Variants in GLCE observed in about 807,000 individuals in gnomAD.
The protein encoded by GLCE is glucuronic acid epimerase.
GLCE carries 19 observed loss-of-function variants against 47.9 expected under a neutral mutation model. The observed-to-expected ratio is 0.40, with a 90% CI of 0.28 to 0.58. GLCE has a LOEUF of 0.58. Among genes scored for constraint, GLCE ranks in the 20% least tolerant of loss-of-function variants. The pLI, the probability that GLCE is intolerant of heterozygous loss-of-function variation, is 0.48. For missense variants in GLCE, 556 were observed against 743.3 expected (o/e 0.75, Z 2.93); for synonymous variants, 245 against 263.4 (o/e 0.93, Z 0.68).
intron 2 of GLCE, among the ~76,000 whole-genome samples, chr15:69,221,038 G>A (rs1442515770): frequency 6.6e-6 from 1 of 152,150 alleles, no homozygotes; most frequent in African/African-American, 2.4e-5. Context: ...CCCTTTGGGT[G>A]GTCTTGCCAC....
chr15:69,263,911 A>G (rs2053048142), intron 4 of GLCE, among the ~76,000 whole-genome samples: 1 of 152,122 alleles, frequency 6.6e-6, no homozygotes, highest in African/African-American at 2.4e-5. Flanking sequence ...AATGTATACA[A>G]TGTGATGCTT....
chr15:69,222,847 A>G (rs1189262316), intron 2 of GLCE, among the ~76,000 whole-genome samples: 2 of 152,196 alleles, frequency 1.3e-5, no homozygotes, highest in African/African-American at 4.8e-5. Context: ...AAATAATTTC[A>G]CATTCCTGTT....
At chr15:69,268,075 A>G in intron 4 of GLCE, 145 bp from the exon 5 acceptor site, 1 of 578,392 alleles carries the variant, frequency 1.7e-6, no homozygotes, top group Non-Finnish European at 3.0e-6. Flanking sequence ...TTAATAAAAA[A>G]TAAAATTACA....
At chr15:69,185,429 C>T (rs1037631616) in intron 1 of GLCE, among the ~76,000 whole-genome samples, 1 of 152,062 alleles carries the variant, frequency 6.6e-6, no homozygotes, top group Non-Finnish European at 1.5e-5. Flanking sequence ...CAAAAGTTGC[C>T]TGAAGCGTTG....
intron 1 of GLCE, among the ~76,000 whole-genome samples, chr15:69,199,938 T>G (rs1595750986): frequency 6.6e-6 from 1 of 152,294 alleles, no homozygotes; most frequent in East Asian, 1.9e-4. Flanking sequence ...TGGTACAGAC[T>G]TCTATCCGTT....
chr15:69,242,877 C>T (rs2052692320), intron 2 of GLCE, among the ~76,000 whole-genome samples: 3 of 150,588 alleles, frequency 2.0e-5, no homozygotes, highest in African/African-American at 7.3e-5. Flanking sequence ...GAGACTTCAT[C>T]TCTACTAAAA....
At chr15:69,167,586 A>T (rs954134776) in intron 1 of GLCE, among the ~76,000 whole-genome samples, 5 of 152,256 alleles carry the variant, frequency 3.3e-5, no homozygotes, top group African/African-American at 9.6e-5. Context: ...AGAAATGCAT[A>T]AAATCTAGTC....
rs187508447 is a variant in GLCE at position 69,248,700 on chromosome 15, C to T, written c.-13-7094C>T. Among the ~76,000 whole-genome samples the T allele has an allele frequency of 7.6e-4, 115 of 152,152 alleles. 2 individuals are homozygous for T. Among genetic ancestry groups the T allele is most frequent in the South Asian group, 2.3e-3 (11 of 4,818 alleles). On this transcript the variant is annotated intron_variant, in intron 2 of 4. Coordinates refer to ENST00000261858, the MANE Select transcript of GLCE (RefSeq NM_015554.3). The stretch of plus-strand genomic sequence containing the variant: ...GGAGTGCAATGGCGATCTCAGCTCA[C>T]GGCAATTCTCCTGCCTCAGCCTCCC...
At chr15:69,215,539 GGTGTGT>G (rs57115250) in intron 2 of GLCE, among the ~76,000 whole-genome samples, 3 of 149,016 alleles carry the variant, frequency 2.0e-5, no homozygotes, top group Admixed American at 6.7e-5. Context: ...TTACATAAAG[GGTGTGT>G]GTGTGTGTGT....
chr15:69,163,278 CAT>C (rs953309187), intron 1 of GLCE, among the ~76,000 whole-genome samples: 9 of 152,108 alleles, frequency 5.9e-5, no homozygotes, highest in African/African-American at 2.2e-4. Flanking sequence ...TAAGTCAACA[CAT>C]ATTTGATTAT....
At chr15:69,162,718 A>G (rs1014467179) in intron 1 of GLCE, among the ~76,000 whole-genome samples, 1 of 152,134 alleles carries the variant, frequency 6.6e-6, no homozygotes, top group Non-Finnish European at 1.5e-5. Context: ...AACTACATGC[A>G]TGTGCCACCA....
At chr15:69,200,167 A>G (rs2052057401) in intron 1 of GLCE, among the ~76,000 whole-genome samples, 1 of 152,138 alleles carries the variant, frequency 6.6e-6, no homozygotes, top group Non-Finnish European at 1.5e-5. Flanking sequence ...GTTTCGTGCC[A>G]TCTGTGTTGT....
intron 2 of GLCE, among the ~76,000 whole-genome samples, chr15:69,228,337 C>G (rs2052477161): frequency 6.6e-6 from 1 of 152,032 alleles, no homozygotes; most frequent in Non-Finnish European, 1.5e-5. Context: ...ATCAGCAACT[C>G]AAAAAGTGGG....
At chr15:69,178,871 C>G (rs1179152579) in intron 1 of GLCE, among the ~76,000 whole-genome samples, 1 of 151,628 alleles carries the variant, frequency 6.6e-6, no homozygotes, top group Non-Finnish European at 1.5e-5. Flanking sequence ...TAGTAGGGGT[C>G]TGGTTAAATA....
intron 4 of GLCE, among the ~76,000 whole-genome samples, chr15:69,264,850 AGT>A (rs1472307958): frequency 2.0e-5 from 3 of 152,130 alleles, no homozygotes; most frequent in Non-Finnish European, 4.4e-5. Flanking sequence ...TCTTTGAAAA[AGT>A]GTCTATTCAG....
chr15:69,262,609 T>A (rs1220068851), intron 4 of GLCE, among the ~76,000 whole-genome samples: 9 of 152,190 alleles, frequency 5.9e-5, no homozygotes, highest in Admixed American at 5.9e-4. Context: ...GCAACAGATT[T>A]CATTGTGCAC....
intron 2 of GLCE, among the ~76,000 whole-genome samples, chr15:69,223,134 T>A (rs1452379800): frequency 6.6e-6 from 1 of 152,196 alleles, no homozygotes; most frequent in East Asian, 1.9e-4. Flanking sequence ...ACAACAATAG[T>A]AGGTTTTATG....
At chr15:69,179,147 G>A (rs2051715008) in intron 1 of GLCE, among the ~76,000 whole-genome samples, 1 of 152,176 alleles carries the variant, frequency 6.6e-6, no homozygotes. Flanking sequence ...AAAGGGAATA[G>A]TTCCTTCTGA....
intron 3 of GLCE, among the ~76,000 whole-genome samples, chr15:69,260,459 CG>C (rs1410010754): frequency 2.0e-5 from 3 of 151,958 alleles, no homozygotes; most frequent in Non-Finnish European, 4.4e-5. Flanking sequence ...GGGGTTTCAC[CG>C]TGTTGCCCAG....
Sources: allele counts gnomAD v4.1 joint callset (sites outside exome capture counted in the v4.1 genomes callset), GRCh38; gene constraint gnomAD v4.1.1; transcripts MANE v1.5; gene names NCBI Gene and HGNC (gene_info 2026-07-23, HGNC 2026-07-21).